METTL25: variants seen among roughly 807,000 people sequenced by gnomAD.
The protein encoded by METTL25 is probable methyltransferase-like protein 25.
Under a neutral mutation model 71.6 loss-of-function variants are expected in METTL25, and 64 were observed. The observed-to-expected ratio is 0.89, with a 90% confidence interval of 0.73 to 1.10. The LOEUF (loss-of-function observed/expected upper bound fraction) is 1.10. METTL25 is among the 50% of genes least tolerant of loss of function. The probability of loss-of-function intolerance (pLI) is 0.00; values close to 1 mark genes in which losing one functional copy is unlikely to be tolerated. For synonymous variants in METTL25, 287 were observed against 250.3 expected (o/e 1.15, Z -1.38); for missense variants, 807 against 707.0 (o/e 1.14, Z -1.60).
In METTL25 at chr12:82,472,713, A is replaced by G. The variant is rs530020179; in HGVS notation, c.1573-3931A>G. Among the ~76,000 whole-genome samples the G allele has an allele frequency of 3.9e-5, 6 of 152,182 alleles. No individual in the cohort carries two copies. In the South Asian group the frequency reaches 8.3e-4, roughly 21 times the overall value. ...TTCAATTTGGTTCTTTTTTGTATCT[A>G]TCTCTTTAATTTCTCATTCTGGATT... On this transcript the variant is annotated intron_variant, in intron 9 of 11. Coordinates refer to ENST00000248306, the MANE Select transcript of METTL25 (RefSeq NM_032230.3).
chr12:82,461,157 T>C (rs1188565579), intron 9 of METTL25, among the ~76,000 whole-genome samples: 3 of 152,240 alleles, frequency 2.0e-5, no homozygotes, highest in Non-Finnish European at 4.4e-5. Context: ...AAAATATGTA[T>C]ATATATACCA....
chr12:82,389,974 G>A lies in METTL25; in HGVS notation c.531+52G>A, dbSNP rs188729912. 185 of 1,006,612 alleles carry A rather than the reference G, an allele frequency of 1.8e-4. 1 individual carries two copies. The East Asian group carries it at 4.3e-3, about 23-fold the overall frequency. The allele number at this position is 1,006,612 out of a possible 1,614,324, so 62.4% of individuals were successfully genotyped here. A position where few individuals can be genotyped will look rare whatever the true frequency, so the allele number is the denominator to read the frequency against. ...GTGTTAAAATTATTGCCACTTTTTG[G>A]TATTATTCATATTTCACCTTTTTAC... On this transcript the variant is annotated intron_variant, in intron 3 of 11. Transcript: ENST00000248306.
At chr12:82,476,900 T>C (rs1892910820) in intron 10 of METTL25, among the ~76,000 whole-genome samples, 182 bp downstream of exon 10, 2 of 151,968 alleles carry the variant, frequency 1.3e-5, no homozygotes, top group Non-Finnish European at 1.5e-5. Flanking sequence ...AGAGAACACA[T>C]GGTAGATTTC....
chr12:82,429,543 A>G (rs1183813322), intron 5 of METTL25, among the ~76,000 whole-genome samples: 1 of 151,672 alleles, frequency 6.6e-6, no homozygotes, highest in African/African-American at 2.4e-5. Context: ...GAGATAATTG[A>G]TTATTTTCCT....
chr12:82,386,740 TTAA>T (rs1208845075), intron 1 of METTL25, 60 bp from the exon 2 acceptor site: 1 of 1,320,954 alleles, frequency 7.6e-7, no homozygotes, highest in East Asian at 2.3e-5. Flanking sequence ...TTGTTGTTTA[TTAA>T]TATCACACTA....
chr12:82,445,497 A>T (rs1045740069), intron 8 of METTL25, among the ~76,000 whole-genome samples: 1 of 152,184 alleles, frequency 6.6e-6, no homozygotes, highest in African/African-American at 2.4e-5. Context: ...CGTTTAAAAC[A>T]CTTTGTGTTG....
At chr12:82,400,052 C>T (rs543053874) in intron 4 of METTL25, among the ~76,000 whole-genome samples, 4 of 151,730 alleles carry the variant, frequency 2.6e-5, no homozygotes, top group South Asian at 4.2e-4. Context: ...GGCTGAGTGC[C>T]GTGGCTCACG....
At chr12:82,459,390 G>A (rs1891708162) in intron 9 of METTL25, among the ~76,000 whole-genome samples, 1 of 152,284 alleles carries the variant, frequency 6.6e-6, no homozygotes, top group Non-Finnish European at 1.5e-5. Context: ...CACTTTGGAC[G>A]GCCAAGACAG....
At chr12:82,359,085 T>C (rs1881414942) in intron 1 of METTL25, among the ~76,000 whole-genome samples, 1 of 152,162 alleles carries the variant, frequency 6.6e-6, no homozygotes, top group Non-Finnish European at 1.5e-5. Flanking sequence ...AGTTCCTTCA[T>C]CTAGTAATTC....
intron 9 of METTL25, among the ~76,000 whole-genome samples, chr12:82,461,293 C>T (rs553858591): frequency 8.5e-5 from 13 of 152,076 alleles, no homozygotes; most frequent in Non-Finnish European, 1.6e-4. Context: ...AGATAATTAA[C>T]GTTTATCAAA....
chr12:82,391,288 T>C (rs1303348076), intron 3 of METTL25, among the ~76,000 whole-genome samples: 5 of 152,212 alleles, frequency 3.3e-5, no homozygotes, highest in South Asian at 4.1e-4. Flanking sequence ...CAGGAAAATA[T>C]AGAAGTGGCC....
At chr12:82,471,290 C>T (rs1892553698) in intron 9 of METTL25, among the ~76,000 whole-genome samples, 2 of 152,206 alleles carry the variant, frequency 1.3e-5, no homozygotes, top group South Asian at 4.1e-4. Flanking sequence ...GGTCAGGGCC[C>T]CACTAGATGG....
At chr12:82,457,403 A>G (rs1406718528) in intron 9 of METTL25, among the ~76,000 whole-genome samples, 1 of 151,974 alleles carries the variant, frequency 6.6e-6, no homozygotes, top group Non-Finnish European at 1.5e-5. Context: ...TTACTCTGGT[A>G]TTTTGAATTG....
intron 7 of METTL25, among the ~76,000 whole-genome samples, chr12:82,436,007 G>A (rs970123470): frequency 5.3e-5 from 8 of 151,378 alleles, no homozygotes; most frequent in Non-Finnish European, 1.0e-4. Flanking sequence ...CTCTGAGTCT[G>A]CAGTTCAAGC....
chr12:82,359,682 T>A (rs1881552886), intron 1 of METTL25, among the ~76,000 whole-genome samples: 1 of 151,216 alleles, frequency 6.6e-6, no homozygotes, highest in Non-Finnish European at 1.5e-5. Flanking sequence ...ATATGTGTCT[T>A]GAATTTTTGT....
At chr12:82,388,594 C>T (rs995511365) in intron 2 of METTL25, among the ~76,000 whole-genome samples, 3 of 151,930 alleles carry the variant, frequency 2.0e-5, no homozygotes, top group African/African-American at 4.8e-5. Context: ...AGTTTAAGGG[C>T]CACAGTTTGG....
chr12:82,360,111 T>C (rs1241960148), intron 1 of METTL25, among the ~76,000 whole-genome samples: 7 of 152,194 alleles, frequency 4.6e-5, no homozygotes, highest in Non-Finnish European at 1.0e-4. Context: ...ATTTGTTGAA[T>C]GGAGGAATTA....
chr12:82,425,485 G>A (rs1312493405), intron 5 of METTL25, among the ~76,000 whole-genome samples: 4 of 152,074 alleles, frequency 2.6e-5, no homozygotes, highest in Non-Finnish European at 4.4e-5. Flanking sequence ...TGGCATTATG[G>A]AAGCCAGATG....
At chr12:82,400,078 CTT>C (rs1886461429) in intron 4 of METTL25, among the ~76,000 whole-genome samples, 1 of 151,916 alleles carries the variant, frequency 6.6e-6, no homozygotes, top group Admixed American at 6.6e-5. Flanking sequence ...AGTCCCAGCA[CTT>C]TGGGAGGCCA....
Sources: gnomAD v4.1 joint callset for allele counts (sites outside exome capture counted in the v4.1 genomes callset) on GRCh38, gnomAD v4.1.1 for gene constraint, MANE v1.5 for transcripts, NCBI Gene and HGNC (gene_info 2026-07-23, HGNC 2026-07-21) for gene names.